MTRR: variants seen among roughly 807,000 people sequenced by gnomAD.
MTRR encodes the protein 5-methyltetrahydrofolate-homocysteine methyltransferase reductase.
In MTRR, 63 loss-of-function variants were observed where a neutral mutation model predicts 79.2. That is an observed-to-expected ratio of 0.80 (90% CI 0.65 to 0.98). The LOEUF (loss-of-function observed/expected upper bound fraction) is 0.98, where lower values mean the gene tolerates loss of function less well. Ranked by LOEUF, MTRR falls within the 50% of genes least tolerant of loss-of-function variation. MTRR has a pLI of 0.00. For missense variants in MTRR, 895 were observed against 839.6 expected, an observed-to-expected ratio of 1.07 and a Z score of -0.82; for synonymous variants, 355 against 313.3, an observed-to-expected ratio of 1.13 and a Z score of -1.41.
chr5:7,893,446 A>G (rs1396115332), intron 11 of MTRR: 1 of 162,064 alleles, frequency 6.2e-6, no homozygotes, highest in African/African-American at 2.4e-5. Flanking sequence ...TTGAGAAGAC[A>G]TATGGCTGTA....
At chr5:7,868,530 C>A (rs1054924047), upstream of MTRR, among the ~76,000 whole-genome samples, 1 of 152,020 alleles carries the variant, frequency 6.6e-6, no homozygotes, top group Non-Finnish European at 1.5e-5. Context: ...GGATAGAAAT[C>A]AAAGAACAGG....
chr5:7,864,043 G>A (rs762589741), intron 2 of MTRR, among the ~76,000 whole-genome samples: 1 of 152,122 alleles, frequency 6.6e-6, no homozygotes, highest in Non-Finnish European at 1.5e-5. Context: ...TAGAGACAGG[G>A]TTTCACCATG....
At chr5:7,861,675 A>C (rs377042924) in intron 1 of MTRR, 42 of 1,601,688 alleles carry the variant, frequency 2.6e-5, no homozygotes, top group Non-Finnish European at 3.4e-5. Flanking sequence ...GAAAGGAAAA[A>C]TTCCTCGTGT....
At chr5:7,893,445 C>CAT (rs1188349793) in intron 11 of MTRR, 1 of 161,890 alleles carries the variant, frequency 6.2e-6, no homozygotes, top group Non-Finnish European at 1.4e-5. Flanking sequence ...ATTGAGAAGA[C>CAT]ATATGGCTGT....
At chr5:7,861,489 A>G (rs373245138) in intron 1 of MTRR, 10 of 889,142 alleles carry the variant, frequency 1.1e-5, no homozygotes, top group African/African-American at 6.9e-5. Context: ...TTCCAGAATC[A>G]TATCTATTTT....
intron 11 of MTRR, among the ~76,000 whole-genome samples, chr5:7,894,516 A>G (rs761992558): frequency 3.3e-4 from 51 of 152,358 alleles, no homozygotes; most frequent in Admixed American, 7.8e-4. Context: ...CAGAACGTAG[A>G]AAGTGTGCTG....
intron 4 of MTRR, among the ~76,000 whole-genome samples, chr5:7,877,503 CAA>C (rs11324670): frequency 0.016 from 1,582 of 100,502 alleles, 13 homozygotes; most frequent in African/African-American, 0.039. Context: ...ATTGGCTAGG[CAA>C]AAAAAAAAAA....
intron 1 of MTRR, among the ~76,000 whole-genome samples, chr5:7,854,735 C>T (rs1400196549): frequency 7.9e-5 from 12 of 152,136 alleles, no homozygotes; most frequent in South Asian, 2.1e-4. Context: ...TGGGTCGGGA[C>T]GTAGAGCCAA....
chr5:7,882,484 G>A (rs1735745636), intron 5 of MTRR, among the ~76,000 whole-genome samples: 1 of 152,018 alleles, frequency 6.6e-6, no homozygotes, highest in Non-Finnish European at 1.5e-5. Context: ...TTCCCATATA[G>A]CCACTTATCC....
rs148414435 is a variant in MTRR, at chr5:7,900,032, C to T, written c.2071C>T (p.Arg691Cys). 492 of 1,613,722 alleles carry T rather than the reference C, an allele frequency of 3.0e-4. 1 individual carries two copies. The highest frequency in any genetic ancestry group is 5.5e-4 in the Admixed American group (33 of 59,960). Residue 691 changes from arginine (R) to cysteine (C), a missense_variant, in exon 15 of 15, where the codon CGC (arginine) becomes TGC (cysteine). Physicochemically the swap from Arg to Cys is radical, Grantham distance 180 (BLOSUM62 -3). Transcript: ENST00000440940. ...CCTGGCCACTTTAAAAGAAGAAAAACGCTACCTTCAGGATATTTGGTCATA... is the reference window on the plus strand; with the variant it reads ...CCTGGCCACTTTAAAAGAAGAAAAATGCTACCTTCAGGATATTTGGTCATA... ...KTLATLKEEK[R>C]YLQDIWS
At chr5:7,882,683 ATTAGTTTC>A (rs1162784655) in intron 5 of MTRR, among the ~76,000 whole-genome samples, 1 of 152,230 alleles carries the variant, frequency 6.6e-6, no homozygotes, top group Non-Finnish European at 1.5e-5. Context: ...AAGATTAATA[ATTAGTTTC>A]TTAGTGACAC....
In MTRR at chr5:7,897,239, T is replaced by C. The variant is rs143418731; in HGVS notation, c.1944T>C (p.Tyr648=). 5.6e-5 allele frequency: 91 copies of C among 1,613,888 alleles called. No individual in the cohort carries two copies. The highest frequency in any genetic ancestry group is 7.3e-5 in the Non-Finnish European group (86 of 1,179,968). Residue 648 remains tyrosine, a synonymous_variant, in exon 14 of 15, where the codon TAT becomes TAC. Transcript: ENST00000440940. ...TCCTCCAGGAGAACGGCCATATTTATGTGTGTGGGTGAGTCATTATCGTGC... is the reference window on the plus strand; with the variant it reads ...TCCTCCAGGAGAACGGCCATATTTACGTGTGTGGGTGAGTCATTATCGTGC... ...RILLQENGHI[Y]VCGDAKNMAK...
At chr5:7,890,191 T>G in intron 9 of MTRR, 1 of 898,294 alleles carries the variant, frequency 1.1e-6, no homozygotes, top group Non-Finnish European at 1.3e-6. Flanking sequence ...AAGATCCTTT[T>G]CGATGCCCAG....
At chr5:7,893,756 C>T (rs538284443) in intron 11 of MTRR, 7 of 152,038 alleles carry the variant, frequency 4.6e-5, no homozygotes, top group Non-Finnish European at 1.0e-4. Flanking sequence ...GGTTCATAGA[C>T]CTCAATAGTG....
chr5:7,885,691 T>C lies in MTRR; in HGVS notation c.904-10T>C, dbSNP rs1736301507. On this transcript the variant is annotated splice_polypyrimidine_tract_variant and intron_variant, in intron 6 of 14. Coordinates refer to ENST00000440940, the MANE Select transcript of MTRR (RefSeq NM_002454.3). The stretch of plus-strand genomic sequence containing the variant: ...TGTATTTTTTTTTTTTCATTTTGGC[T>C]CTTCTCTAGAATACAGACTTTTCCT... 1.2e-6 allele frequency: 2 copies of C among 1,607,750 alleles called. No homozygotes were observed. The highest frequency in any genetic ancestry group is 1.7e-6 in the Non-Finnish European group (2 of 1,176,420).
chr5:7,886,593 T>G (rs1450959775), intron 7 of MTRR, 22 bp from the exon 8 acceptor site: 1 of 1,563,062 alleles, frequency 6.4e-7, no homozygotes, highest in Admixed American at 1.7e-5. Flanking sequence ...CATGAACCCC[T>G]TTCCCGTCTT....
chr5:7,887,792 GCATATATATATATATATATATATA>G (rs1736803704), intron 8 of MTRR, among the ~76,000 whole-genome samples: 3 of 25,996 alleles, frequency 1.2e-4, no homozygotes, highest in Non-Finnish European at 2.2e-4. Flanking sequence ...GTGTGTGTGT[GCATATATATATATATATATATATA>G]TATATATATA....
At chr5:7,877,921 T>A (rs760077349) in intron 4 of MTRR, 23 bp from the exon 5 acceptor site, 1 of 1,609,850 alleles carries the variant, frequency 6.2e-7, no homozygotes, top group East Asian at 2.2e-5. Flanking sequence ...TTGTTTTGTT[T>A]TTCGTTTGTT....
intron 5 of MTRR, among the ~76,000 whole-genome samples, chr5:7,879,184 T>C (rs755017665): frequency 1.8e-4 from 28 of 152,222 alleles, no homozygotes; most frequent in Non-Finnish European, 3.7e-4. Flanking sequence ...TTTTGTGAAT[T>C]GTTTAAGTGA....
Sources: allele counts gnomAD v4.1 joint callset (sites outside exome capture counted in the v4.1 genomes callset), GRCh38; gene constraint gnomAD v4.1.1; transcripts MANE v1.5; gene names NCBI Gene and HGNC (gene_info 2026-07-23, HGNC 2026-07-21).